Variants in PIK3AP1 observed in about 807,000 individuals in gnomAD.
The protein encoded by PIK3AP1 is phosphoinositide-3-kinase adaptor protein 1.
A neutral mutation model predicts 88.1 loss-of-function variants in PIK3AP1; 21 were observed. The observed-to-expected ratio is 0.24, with a 90% CI of 0.17 to 0.34. PIK3AP1 has a LOEUF of 0.34. Among genes scored for constraint, PIK3AP1 ranks in the 10% least tolerant of loss-of-function variants. The probability of loss-of-function intolerance (pLI) is 1.00; values close to 1 mark genes in which losing one functional copy is unlikely to be tolerated. For missense variants in PIK3AP1, 828 were observed against 1,035.7 expected (o/e 0.80, Z 2.75); for synonymous variants, 398 against 400.0 (o/e 1.00, Z 0.06).
intron 8 of PIK3AP1, among the ~76,000 whole-genome samples, chr10:96,641,469 G>A (rs1040599545): frequency 5.4e-4 from 82 of 152,298 alleles, no homozygotes; most frequent in African/African-American, 1.9e-3. Context: ...AATGAACACA[G>A]CCTAATTTCC....
At chr10:96,712,018 T>C (rs1266763571) in intron 1 of PIK3AP1, among the ~76,000 whole-genome samples, 3 of 151,926 alleles carry the variant, frequency 2.0e-5, no homozygotes, top group African/African-American at 7.3e-5. Flanking sequence ...CCTCCCAAAG[T>C]GCTGGAATTA....
chr10:96,692,328 C>T (rs937010026), intron 2 of PIK3AP1, among the ~76,000 whole-genome samples: 2 of 152,148 alleles, frequency 1.3e-5, no homozygotes, highest in South Asian at 2.1e-4. Context: ...GTAATCCCAG[C>T]GCTTTGGGAG....
intron 1 of PIK3AP1, among the ~76,000 whole-genome samples, chr10:96,719,639 A>T (rs945194669): frequency 2.0e-5 from 3 of 152,178 alleles, no homozygotes; most frequent in Non-Finnish European, 4.4e-5. Context: ...CTCCGTTATC[A>T]TCATTATGTG....
intron 14 of PIK3AP1, among the ~76,000 whole-genome samples, chr10:96,606,302 C>T (rs544673086): frequency 3.9e-5 from 6 of 152,300 alleles, no homozygotes; most frequent in East Asian, 1.9e-4. Context: ...CTCGGGCCCA[C>T]GGGCCCCCAT....
At chr10:96,669,536 AT>A (rs1843813035) in intron 2 of PIK3AP1, 1 of 151,888 alleles carries the variant, frequency 6.6e-6, no homozygotes, top group Admixed American at 6.6e-5. Flanking sequence ...CATACCTGTA[AT>A]CCAAGTGCTT....
chr10:96,615,532 A>G (rs1849201534), intron 13 of PIK3AP1, among the ~76,000 whole-genome samples: 1 of 152,114 alleles, frequency 6.6e-6, no homozygotes, highest in South Asian at 2.1e-4. Flanking sequence ...ACATCTGTGG[A>G]CTGCTGATGG....
At chr10:96,627,060 A>G (rs1843164513) in intron 9 of PIK3AP1, among the ~76,000 whole-genome samples, 155 bp from the exon 10 acceptor site, 1 of 152,244 alleles carries the variant, frequency 6.6e-6, no homozygotes, top group Non-Finnish European at 1.5e-5. Flanking sequence ...GTCTGCTCAG[A>G]ACACCACACA....
At chr10:96,692,106 G>A (rs1844162403) in intron 2 of PIK3AP1, among the ~76,000 whole-genome samples, 1 of 152,200 alleles carries the variant, frequency 6.6e-6, no homozygotes, top group Non-Finnish European at 1.5e-5. Flanking sequence ...GCTGCTGACA[G>A]TTAGAGAGGT....
intron 2 of PIK3AP1, among the ~76,000 whole-genome samples, chr10:96,678,296 G>A (rs953289417): frequency 2.6e-5 from 4 of 152,096 alleles, no homozygotes; most frequent in African/African-American, 9.7e-5. Flanking sequence ...TTAGCTAGGC[G>A]TGGTGGCACA....
chr10:96,662,888 CAAAAAA>C (rs749898725), intron 2 of PIK3AP1, among the ~76,000 whole-genome samples: 32 of 22,568 alleles, frequency 1.4e-3, no homozygotes, highest in Admixed American at 3.5e-3. Flanking sequence ...GACTCCGTCT[CAAAAAA>C]AAAAAAAAAA....
chr10:96,623,296 C>T lies in PIK3AP1; in HGVS notation c.1735+176G>A, dbSNP rs1357601995. 3.3e-5 allele frequency among the ~76,000 whole-genome samples: 5 copies of T among 152,126 alleles called. No homozygotes were observed. In the East Asian group the frequency reaches 5.8e-4, roughly 18 times the overall value. On this transcript the variant is annotated intron_variant, in intron 11 of 16. Transcript: ENST00000339364. Reference sequence around the variant, plus strand: ...CAGGTTGGTCTCAAACTCCTGGCCTCGAGTGATTCACCCCCCTTAGCCTCC... The same window carrying T: ...CAGGTTGGTCTCAAACTCCTGGCCTTGAGTGATTCACCCCCCTTAGCCTCC...
At chr10:96,710,205 G>T (rs1022082542) in intron 1 of PIK3AP1, among the ~76,000 whole-genome samples, 4 of 144,342 alleles carry the variant, frequency 2.8e-5, no homozygotes, top group Admixed American at 7.0e-5. Flanking sequence ...AACATACCAC[G>T]CTGTTTTATT....
chr10:96,651,354 T>G lies in PIK3AP1; in HGVS notation c.882A>C (p.Thr294=). ...CQAFKIVPYN[T]ETLDKLLTES... ...CGGTTAGCAGTTTATCAAGGGTCTCTGTGTTGTAGGGCACAATTTTAAAGG... is the reference window on the plus strand; with the variant it reads ...CGGTTAGCAGTTTATCAAGGGTCTCGGTGTTGTAGGGCACAATTTTAAAGG... Residue 294 remains threonine, a synonymous_variant, in exon 6 of 17, where the codon ACA becomes ACC. Transcript: ENST00000339364. The G allele has an allele frequency of 1.2e-6, 2 of 1,614,210 alleles. No individual in the cohort carries two copies. Among genetic ancestry groups the G allele is most frequent in the Non-Finnish European group, 1.7e-6 (2 of 1,180,032 alleles).
chr10:96,628,341 T>A, intron 9 of PIK3AP1, 57 bp downstream of exon 9: 1 of 1,378,460 alleles, frequency 7.3e-7, no homozygotes, highest in South Asian at 1.2e-5. Flanking sequence ...CCAGACAATG[T>A]CTTGCATTTG....
At chr10:96,603,827 G>T in intron 15 of PIK3AP1, 152 bp downstream of exon 15, 1 of 717,176 alleles carries the variant, frequency 1.4e-6, no homozygotes, top group Non-Finnish European at 2.2e-6. Flanking sequence ...TCTTCAAACT[G>T]TCTCTGTGGA....
chr10:96,702,749 T>C (rs1052622066), intron 2 of PIK3AP1, among the ~76,000 whole-genome samples: 2 of 152,192 alleles, frequency 1.3e-5, no homozygotes, highest in Admixed American at 6.5e-5. Context: ...ACTTTGAATA[T>C]ATACAATTTT....
chr10:96,693,719 T>C (rs1844185586), intron 2 of PIK3AP1, among the ~76,000 whole-genome samples: 1 of 152,246 alleles, frequency 6.6e-6, no homozygotes, highest in African/African-American at 2.4e-5. Context: ...GTGCAACTGT[T>C]GGACTCTGTG....
intron 2 of PIK3AP1, among the ~76,000 whole-genome samples, chr10:96,683,708 T>C (rs1226976433): frequency 6.6e-6 from 1 of 152,240 alleles, no homozygotes. Flanking sequence ...ATTTAATTCA[T>C]TCATCAAGCA....
At chr10:96,702,161 G>A (rs1285479913) in intron 2 of PIK3AP1, among the ~76,000 whole-genome samples, 2 of 152,128 alleles carry the variant, frequency 1.3e-5, no homozygotes, top group African/African-American at 4.8e-5. Flanking sequence ...TAAAGAAGGG[G>A]ACTTGGGAAG....
Sources: gnomAD v4.1 joint callset for allele counts (sites outside exome capture counted in the v4.1 genomes callset) on GRCh38, gnomAD v4.1.1 for gene constraint, MANE v1.5 for transcripts, NCBI Gene and HGNC (gene_info 2026-07-23, HGNC 2026-07-21) for gene names.